AVL9: variants seen among roughly 807,000 people sequenced by gnomAD.
AVL9 encodes the protein AVL9 cell migration associated, also known as late secretory pathway protein AVL9 homolog.
A neutral mutation model predicts 79.2 loss-of-function variants in AVL9; 49 were observed. The ratio of observed to expected loss-of-function variants is 0.62; its 90% CI spans 0.49 to 0.79. The LOEUF (loss-of-function observed/expected upper bound fraction) is 0.79, where lower values mean the gene tolerates loss of function less well. AVL9 is among the 30% of genes least tolerant of loss of function. AVL9 has a pLI of 0.00. For synonymous variants in AVL9, 299 were observed against 280.6 expected (o/e 1.07, Z -0.65); for missense variants, 682 against 776.8 (o/e 0.88, Z 1.45).
At chr7:32,545,337 A>G (rs1240624260) in intron 3 of AVL9, among the ~76,000 whole-genome samples, 1 of 145,212 alleles carries the variant, frequency 6.9e-6, no homozygotes, top group Non-Finnish European at 1.5e-5. Flanking sequence ...AACTACTCAT[A>G]AGCTGTCCTA....
intron 10 of AVL9, among the ~76,000 whole-genome samples, chr7:32,567,348 C>G (rs534576993): frequency 7.9e-5 from 12 of 152,244 alleles, no homozygotes; most frequent in African/African-American, 2.9e-4. Context: ...GCAGTCTGCC[C>G]GCCTTGGCCT....
rs1212220526 is a variant in AVL9, at chr7:32,586,692, G to A, written c.*2785G>A. 1 of 152,180 alleles carries A rather than the reference G, an allele frequency of 6.6e-6. No individual in the cohort carries two copies. Among genetic ancestry groups the A allele is most frequent in the Non-Finnish European group, 1.5e-5 (1 of 68,044 alleles). The allele number at this position is 152,180 out of a possible 1,614,324, so 9.4% of individuals were successfully genotyped here. Reference sequence around the variant, plus strand: ...TGTACCTAGGTGTGAGGGAACCAGGGTCAGCCAGCCTTTTTCAGATGGCGC... The same window carrying A: ...TGTACCTAGGTGTGAGGGAACCAGGATCAGCCAGCCTTTTTCAGATGGCGC... On this transcript the variant is annotated 3_prime_UTR_variant, in exon 16 of 16. Coordinates refer to ENST00000318709, the MANE Select transcript of AVL9 (RefSeq NM_015060.3).
At chr7:32,498,237 A>ATTTTTT (rs10547851) in intron 1 of AVL9, among the ~76,000 whole-genome samples, 23 of 89,812 alleles carry the variant, frequency 2.6e-4, no homozygotes, top group South Asian at 8.5e-4. Context: ...AAGTCCTCAG[A>ATTTTTT]TTTTTTTTTT....
In AVL9 at chr7:32,552,278, G is replaced by T; in HGVS notation, c.512G>T (p.Gly171Val). 3 of 1,601,740 alleles carry T rather than the reference G, an allele frequency of 1.9e-6. No homozygotes were observed. The South Asian group carries it at 3.3e-5, about 18-fold the overall frequency. The change falls in exon 6 of 16, where the codon GGA (glycine) becomes GTA (valine). Residue 171 changes from glycine (G) to valine (V), a missense_variant. Coordinates refer to ENST00000318709, the MANE Select transcript of AVL9 (RefSeq NM_015060.3). ...TCCTTGGGAGGTGCTTCATTAGAAG[G>T]ATCCCAAGTATATCTTGGTAAGTAA... ...NSSLGGASLE[G>V]SQVYLGLSPR...
intron 1 of AVL9, among the ~76,000 whole-genome samples, chr7:32,509,064 G>C (rs2128116435): frequency 6.6e-6 from 1 of 152,256 alleles, no homozygotes; most frequent in South Asian, 2.1e-4. Context: ...TATATTATCT[G>C]TTCATCAGAT....
chr7:32,577,031 G>A (rs936939697), intron 13 of AVL9, among the ~76,000 whole-genome samples: 2 of 151,876 alleles, frequency 1.3e-5, no homozygotes, highest in African/African-American at 4.8e-5. Flanking sequence ...ACAGGAACTT[G>A]TTTTCTAAAT....
intron 1 of AVL9, among the ~76,000 whole-genome samples, chr7:32,525,880 G>A (rs902049987): frequency 6.6e-6 from 1 of 152,072 alleles, no homozygotes; most frequent in Non-Finnish European, 1.5e-5. Flanking sequence ...TTTTGGGGGG[G>A]AAAAACACTG....
chr7:32,523,095 A>G (rs1469384424), intron 1 of AVL9, among the ~76,000 whole-genome samples: 4 of 150,162 alleles, frequency 2.7e-5, no homozygotes, highest in Non-Finnish European at 5.9e-5. Context: ...GCCTAATCAA[A>G]TTTGCTGTCC....
At position 32,519,667 on chromosome 7, in the gene AVL9, A is replaced by G. The variant is rs144500497; in HGVS notation, c.94-23474A>G. Among the ~76,000 whole-genome samples, 391 of 152,352 alleles carry G rather than the reference A, an allele frequency of 2.6e-3. 2 individuals carry two copies. The highest frequency in any genetic ancestry group is 0.018 in the East Asian group (93 of 5,192). ...AGTAATATTAAAGAAGTAAAAAAGT[A>G]TAAAAGAAAATGTAATTTTTTTCCT... On this transcript the variant is annotated intron_variant, in intron 1 of 15. Coordinates refer to ENST00000318709, the MANE Select transcript of AVL9 (RefSeq NM_015060.3).
chr7:32,579,390 T>A (rs1247278101), intron 13 of AVL9, among the ~76,000 whole-genome samples: 1 of 2,042 alleles, frequency 4.9e-4, no homozygotes, highest in Non-Finnish European at 7.7e-4. Context: ...TATAACATAT[T>A]ATATGTTATA....
intron 12 of AVL9, among the ~76,000 whole-genome samples, chr7:32,574,250 C>CACCACT (rs1301547749): frequency 6.6e-6 from 1 of 151,822 alleles, no homozygotes; most frequent in Admixed American, 6.6e-5. Flanking sequence ...TCAACACCAC[C>CACCACT]ACCACATGCT....
chr7:32,580,827 A>C lies in AVL9; in HGVS notation c.1768A>C (p.Lys590Gln), dbSNP rs201620276. Residue 590 changes from lysine to glutamine, a missense_variant, in exon 15 of 16, where the codon AAA (lysine) becomes CAA (glutamine). Transcript: ENST00000318709. ...SHSVQNSERG[K>Q]KIGNVMVTTS... ...TTCTGTTCAGAATAGTGAACGTGGCAAAAAAATTGGAAACGTCATGGTCAC... is the reference window on the plus strand; with the variant it reads ...TTCTGTTCAGAATAGTGAACGTGGCCAAAAAATTGGAAACGTCATGGTCAC... The C allele has an allele frequency of 7.4e-6, 12 of 1,613,026 alleles. No individual in the cohort carries two copies. Among genetic ancestry groups the C allele is most frequent in the Non-Finnish European group, 1.0e-5 (12 of 1,179,328 alleles).
In AVL9 at chr7:32,545,364, C is replaced by CTTTTTT. The variant is rs10610945; in HGVS notation, c.300+605_300+610dup. ...GCTGTCCTATTTATCTCTAAGATTTCTTTTTTTTTTTTTTTTTTTTTTTTT... is the reference window on the plus strand; with the variant it reads ...GCTGTCCTATTTATCTCTAAGATTTCTTTTTTTTTTTTTTTTTTTTTTTTTTTTTTT... On this transcript the variant is annotated intron_variant, in intron 3 of 15. Transcript: ENST00000318709. Among the ~76,000 whole-genome samples the CTTTTTT allele has an allele frequency of 5.4e-3, 397 of 73,348 alleles. 28 individuals carry two copies. The highest frequency in any genetic ancestry group is 8.8e-3 in the Admixed American group (37 of 4,218). 48.1% of individuals were successfully genotyped at this position (73,348 alleles called of 152,430 possible).
chr7:32,554,118 C>T (rs1438140102), intron 7 of AVL9, among the ~76,000 whole-genome samples: 1 of 152,120 alleles, frequency 6.6e-6, no homozygotes, highest in Non-Finnish European at 1.5e-5. Flanking sequence ...GAGAATGGAG[C>T]ATTTTTCAAT....
intron 8 of AVL9, among the ~76,000 whole-genome samples, chr7:32,557,832 CTA>C (rs1393269852): frequency 7.0e-6 from 1 of 143,402 alleles, no homozygotes; most frequent in Non-Finnish European, 1.5e-5. Context: ...GTTAGTACTT[CTA>C]TGTTTATTAG....
rs1233601994 is a variant in AVL9, at chr7:32,587,654, G to A, written c.*3747G>A. 1 of 152,146 alleles carries A rather than the reference G, an allele frequency of 6.6e-6. No individual in the cohort carries two copies. Among genetic ancestry groups the A allele is most frequent in the East Asian group, 1.9e-4 (1 of 5,200 alleles). The allele number at this position is 152,146 out of a possible 1,614,324, so 9.4% of individuals were successfully genotyped here. ...GCTCTGAATCTTTGATCAGAGATGA[G>A]GTGCCATTTTTGGCATTTCCACCCC... On this transcript the variant is annotated 3_prime_UTR_variant, in exon 16 of 16. Transcript: ENST00000318709.
chr7:32,549,775 C>T (rs777420112), intron 4 of AVL9, among the ~76,000 whole-genome samples: 1 of 23,604 alleles, frequency 4.2e-5, no homozygotes, highest in Non-Finnish European at 1.1e-4. Context: ...AAAAAATTAG[C>T]CAGGCACGGT....
chr7:32,564,785 G>A (rs1206640968), intron 10 of AVL9, among the ~76,000 whole-genome samples: 1 of 152,136 alleles, frequency 6.6e-6, no homozygotes, highest in Non-Finnish European at 1.5e-5. Context: ...AATAAGAGGC[G>A]GGGCTAGAGG....
chr7:32,529,316 C>G (rs143774076), intron 1 of AVL9, among the ~76,000 whole-genome samples: 96 of 152,296 alleles, frequency 6.3e-4, no homozygotes, highest in African/African-American at 2.1e-3. Flanking sequence ...GGGGACCCCC[C>G]TATCACGCCT....
Sources: allele counts gnomAD v4.1 joint callset (sites outside exome capture counted in the v4.1 genomes callset), GRCh38; gene constraint gnomAD v4.1.1; transcripts MANE v1.5; gene names NCBI Gene and HGNC (gene_info 2026-07-23, HGNC 2026-07-21).